HERC2: variants seen among roughly 807,000 people sequenced by gnomAD.
HERC2 encodes E3 ubiquitin-protein ligase HERC2.
In HERC2, 102 loss-of-function variants were observed where a neutral mutation model predicts 537.7. That is an observed-to-expected ratio of 0.19 (90% CI 0.16 to 0.22). The LOEUF (loss-of-function observed/expected upper bound fraction) is 0.22, where lower values mean the gene tolerates loss of function less well. HERC2 is among the 10% of genes least tolerant of loss of function. The pLI, the probability that HERC2 is intolerant of heterozygous loss-of-function variation, is 1.00. For synonymous variants in HERC2, 2,224 were observed against 2,466.2 expected (o/e 0.90, Z 2.91); for missense variants, 4,236 against 6,198.2 (o/e 0.68, Z 10.63).
At chr15:28,197,296 T>C (rs1038847747) in intron 50 of HERC2, among the ~76,000 whole-genome samples, 5 of 152,214 alleles carry the variant, frequency 3.3e-5, no homozygotes, top group Non-Finnish European at 4.4e-5. Context: ...TTATTTCTCA[T>C]GCAACTGTTA....
At chr15:28,224,900 G>A (rs1028045598) in intron 35 of HERC2, among the ~76,000 whole-genome samples, 1 of 152,144 alleles carries the variant, frequency 6.6e-6, no homozygotes, top group African/African-American at 2.4e-5. Context: ...ACAACCAGTG[G>A]GTCAAAGAAG....
At chr15:28,293,597 TA>T (rs763162187) in intron 3 of HERC2, among the ~76,000 whole-genome samples, 1 of 152,160 alleles carries the variant, frequency 6.6e-6, no homozygotes, top group South Asian at 2.1e-4. Context: ...CTGAGAAACT[TA>T]AGTCTTTGAT....
intron 14 of HERC2, among the ~76,000 whole-genome samples, chr15:28,263,895 G>C (rs2075482973): frequency 6.6e-6 from 1 of 151,756 alleles, no homozygotes; most frequent in Non-Finnish European, 1.5e-5. Flanking sequence ...AGCCAGGCAT[G>C]GTGGTGAATA....
At chr15:28,243,099 A>G (rs1903296948) in intron 23 of HERC2, among the ~76,000 whole-genome samples, 1 of 152,224 alleles carries the variant, frequency 6.6e-6, no homozygotes, top group South Asian at 2.1e-4. Context: ...GACCAGACAC[A>G]AGCATAGACA....
At chr15:28,128,485 A>G (rs1462065224) in intron 83 of HERC2, among the ~76,000 whole-genome samples, 2 of 152,256 alleles carry the variant, frequency 1.3e-5, no homozygotes, top group Non-Finnish European at 2.9e-5. Context: ...TCAAATAAAA[A>G]GTTCTGGATC....
chr15:28,166,455 T>G (rs1182776748), intron 68 of HERC2, among the ~76,000 whole-genome samples: 1 of 152,202 alleles, frequency 6.6e-6, no homozygotes, highest in Non-Finnish European at 1.5e-5. Flanking sequence ...TGTATAGGTC[T>G]ATTTGCTGAG....
chr15:28,111,841 G>A lies in HERC2; in HGVS notation c.14427C>T (p.Asp4809=), dbSNP rs369534225. 3 of 1,614,122 alleles carry A rather than the reference G, an allele frequency of 1.9e-6. No homozygotes were observed. The highest frequency in any genetic ancestry group is 2.7e-5 in the African/African-American group (2 of 74,936). The change falls in exon 93 of 93, where the codon GAC becomes GAT. Residue 4809 remains aspartate (D), a synonymous_variant. Coordinates refer to ENST00000261609, the MANE Select transcript of HERC2 (RefSeq NM_004667.6). ...IALTGEPAAD[D]SSDDSDNEDV... Reference sequence around the variant, plus strand: ...CCTCGTTATCTGAATCGTCGCTGCTGTCGTCGGCGGCTGGCTCTCCTGTAA... The same window carrying A: ...CCTCGTTATCTGAATCGTCGCTGCTATCGTCGGCGGCTGGCTCTCCTGTAA...
chr15:28,276,192 C>CAAAAAAAAAAAAAAAAA (rs11359639), intron 5 of HERC2, among the ~76,000 whole-genome samples: 1 of 70,104 alleles, frequency 1.4e-5, no homozygotes, highest in African/African-American at 5.1e-5. Context: ...TCTCAAAAAA[C>CAAAAAAAAAAAAAAAAA]AAAAAAAAAA....
Position 28,265,525 on chromosome 15 carries a change from T to C in HERC2, c.1870+93A>G. ...CCACTGGGCGACAGGGTGGGTGGCC[T>C]CGTGAGGCCCACTGTACTCATCTCA... On this transcript the variant is annotated intron_variant, in intron 14 of 92. Transcript: ENST00000261609. The surrounding 1 kb of genome is among the most constrained non-coding windows in gnomAD (Gnocchi z 4.0). 1.9e-6 allele frequency: 2 copies of C among 1,037,330 alleles called. No individual in the cohort carries two copies. Among genetic ancestry groups the C allele is most frequent in the South Asian group, 1.4e-5 (1 of 70,504 alleles). The allele number at this position is 1,037,330 out of a possible 1,614,324, so 64.3% of individuals were successfully genotyped here. A position where few individuals can be genotyped will look rare whatever the true frequency, so the allele number is the denominator to read the frequency against.
chr15:28,165,612 C>T, intron 68 of HERC2, among the ~76,000 whole-genome samples: 1 of 147,538 alleles, frequency 6.8e-6, no homozygotes, highest in Non-Finnish European at 1.5e-5. Context: ...GGCAACATGG[C>T]AAAACCTATC....
At chr15:28,146,089 C>T (rs552136317) in intron 71 of HERC2, 148 bp downstream of exon 71, 2 of 622,176 alleles carry the variant, frequency 3.2e-6, no homozygotes, top group East Asian at 5.6e-5. Context: ...AGCAAACCCA[C>T]TGTGTTTCAC....
At chr15:28,287,284 C>T (rs2076181717) in intron 4 of HERC2, among the ~76,000 whole-genome samples, 1 of 152,078 alleles carries the variant, frequency 6.6e-6, no homozygotes, top group Admixed American at 6.6e-5. Context: ...ACAAATTCCA[C>T]CTGCAGTTTG....
rs372164018 is a variant in HERC2 at position 28,270,500 on chromosome 15, G to C, written c.1257+195C>G. ...CCGGGCCCCCAGGTTGGGTCGCCAG[G>C]CCTGTGCGCCTCAGCTTGCTCATCA... On this transcript the variant is annotated intron_variant, in intron 10 of 92. Coordinates refer to ENST00000261609, the MANE Select transcript of HERC2 (RefSeq NM_004667.6). 4.3e-3 allele frequency among the ~76,000 whole-genome samples: 657 copies of C among 152,116 alleles called. 6 individuals carry two copies. The highest frequency in any genetic ancestry group is 0.015 in the African/African-American group (617 of 41,488).
intron 65 of HERC2, among the ~76,000 whole-genome samples, chr15:28,173,240 A>T (rs1433869794): frequency 6.6e-6 from 1 of 152,206 alleles, no homozygotes; most frequent in Non-Finnish European, 1.5e-5. Flanking sequence ...AGAGAATTTC[A>T]AGTGGATGTC....
intron 4 of HERC2, among the ~76,000 whole-genome samples, chr15:28,289,538 G>C (rs79286671): frequency 6.6e-6 from 1 of 151,806 alleles, no homozygotes. Context: ...TCCCCAGCAC[G>C]ATGGAGATAC....
chr15:28,229,140 C>A, intron 34 of HERC2, 55 bp downstream of exon 34: 1 of 1,476,784 alleles, frequency 6.8e-7, no homozygotes. Context: ...CAAGTTTCCA[C>A]AACATATAAT....
rs761839306 is a variant in HERC2, at chr15:28,268,387, A to C, written c.1598+78T>G. 1.4e-6 allele frequency: 2 copies of C among 1,388,596 alleles called. No individual in the cohort carries two copies. Among genetic ancestry groups the C allele is most frequent in the Non-Finnish European group, 2.0e-6 (2 of 1,001,910 alleles). 86.0% of individuals were successfully genotyped at this position (1,388,596 alleles called of 1,614,324 possible). ...GGGCAATTGGAAAACACCTGGACAC[A>C]CTTCTGCGCTCCATCCTGTTTAGGA... On this transcript the variant is annotated intron_variant, in intron 12 of 92. Transcript: ENST00000261609. The surrounding 1 kb of genome is among the most constrained non-coding windows in gnomAD (Gnocchi z 4.7).
chr15:28,154,929 A>C (rs1437127485), intron 69 of HERC2, among the ~76,000 whole-genome samples: 16 of 101,344 alleles, frequency 1.6e-4, no homozygotes, highest in African/African-American at 6.5e-4. Context: ...CCCCACCCCA[A>C]AACAGGCCCT....
At chr15:28,191,895 T>C in intron 53 of HERC2, 66 bp downstream of exon 53, 6 of 1,447,746 alleles carry the variant, frequency 4.1e-6, no homozygotes, top group Non-Finnish European at 5.6e-6. Context: ...AAAGTTCATT[T>C]TGAAAATGTA....
Sources: gnomAD v4.1 joint callset for allele counts (sites outside exome capture counted in the v4.1 genomes callset) on GRCh38, gnomAD v4.1.1 for gene constraint, Gnocchi (gnomAD v3.1) non-coding constraint, MANE v1.5 for transcripts, NCBI Gene and HGNC (gene_info 2026-07-23, HGNC 2026-07-21) for gene names.